VPS13A: variants seen among roughly 807,000 people sequenced by gnomAD.
VPS13A encodes the protein vacuolar protein sorting 13 homolog A.
Under a neutral mutation model 390.9 loss-of-function variants are expected in VPS13A, and 264 were observed. The ratio of observed to expected loss-of-function variants is 0.68; its 90% CI spans 0.61 to 0.75. The LOEUF (loss-of-function observed/expected upper bound fraction) is 0.75. Among genes scored for constraint, VPS13A ranks in the 30% least tolerant of loss-of-function variants. VPS13A has a pLI of 0.00. For synonymous variants in VPS13A, 1,231 were observed against 1,227.1 expected (o/e 1.00, Z -0.07); for missense variants, 3,409 against 3,733.9 (o/e 0.91, Z 2.27).
chr9:77,393,855 G>A (rs575221545), intron 68 of VPS13A, among the ~76,000 whole-genome samples: 11 of 152,060 alleles, frequency 7.2e-5, no homozygotes, highest in African/African-American at 2.4e-4. Context: ...TGCAACCTCC[G>A]CCTCCTGGGT....
chr9:77,294,036 T>C (rs1827831295), intron 32 of VPS13A, among the ~76,000 whole-genome samples: 1 of 152,098 alleles, frequency 6.6e-6, no homozygotes, highest in East Asian at 1.9e-4. Context: ...CCTGAGTAGC[T>C]GAGACTACAG....
At chr9:77,204,326 A>G (rs1238400367) in intron 3 of VPS13A, among the ~76,000 whole-genome samples, 1 of 152,200 alleles carries the variant, frequency 6.6e-6, no homozygotes, top group Non-Finnish European at 1.5e-5. Flanking sequence ...ATACAAAACT[A>G]GAGTGAGTAG....
chr9:77,275,805 C>A (rs1223517619), intron 25 of VPS13A, among the ~76,000 whole-genome samples, 153 bp downstream of exon 25: 2 of 148,086 alleles, frequency 1.4e-5, no homozygotes, highest in Admixed American at 6.7e-5. Flanking sequence ...CACTCCCCGC[C>A]CCCCCCTTTT....
intron 71 of VPS13A, among the ~76,000 whole-genome samples, chr9:77,409,382 A>T (rs1280302199): frequency 6.6e-6 from 1 of 152,244 alleles, no homozygotes; most frequent in African/African-American, 2.4e-5. Flanking sequence ...AACTCTAAAA[A>T]TCAGAGTACC....
intron 68 of VPS13A, among the ~76,000 whole-genome samples, chr9:77,386,218 C>T (rs1230175086): frequency 6.6e-6 from 1 of 152,150 alleles, no homozygotes; most frequent in Non-Finnish European, 1.5e-5. Flanking sequence ...CACCCTTGGC[C>T]AAAATCAAAC....
chr9:77,222,994 T>C (rs150748333), intron 13 of VPS13A, among the ~76,000 whole-genome samples: 1 of 152,278 alleles, frequency 6.6e-6, no homozygotes, highest in East Asian at 1.9e-4. Flanking sequence ...ACCAGCTGTT[T>C]CTGTACCTCA....
rs60382346 is a variant in VPS13A at position 77,306,414 on chromosome 9, T to TTGTGTGTGTGTG, written c.3961-1507_3961-1496dup. On this transcript the variant is annotated intron_variant, in intron 34 of 71. Transcript: ENST00000360280. ...AGAGAGAGAGAGAGTGTGTGTGTGT[T>TTGTGTGTGTGTG]TGTGTGTGTGTGTGTGTGTGTGTGT... Among the ~76,000 whole-genome samples, 852 of 140,862 alleles carry TTGTGTGTGTGTG rather than the reference T, an allele frequency of 6.0e-3. 1 individual carries two copies. Among genetic ancestry groups the TTGTGTGTGTGTG allele is most frequent in the East Asian group, 0.013 (61 of 4,822 alleles). 92.4% of individuals were successfully genotyped at this position (140,862 alleles called of 152,430 possible).
chr9:77,335,170 A>G (rs1830474140), intron 46 of VPS13A, among the ~76,000 whole-genome samples: 1 of 152,228 alleles, frequency 6.6e-6, no homozygotes, highest in African/African-American at 2.4e-5. Context: ...TTACAAATAT[A>G]AAAATATTTA....
chr9:77,271,896 C>G (rs971762221), intron 23 of VPS13A, among the ~76,000 whole-genome samples: 2 of 151,942 alleles, frequency 1.3e-5, no homozygotes, highest in East Asian at 1.9e-4. Context: ...TGGGAGGATG[C>G]CTAATGATTG....
chr9:77,359,836 G>A (rs1832042758), intron 58 of VPS13A, among the ~76,000 whole-genome samples: 1 of 149,050 alleles, frequency 6.7e-6, no homozygotes, highest in Admixed American at 6.7e-5. Flanking sequence ...AAAAAAAGGC[G>A]GCTCTGGATG....
chr9:77,375,801 G>T (rs1265233290), intron 67 of VPS13A, among the ~76,000 whole-genome samples: 1 of 152,196 alleles, frequency 6.6e-6, no homozygotes, highest in Non-Finnish European at 1.5e-5. Context: ...ATTTTAGGGA[G>T]CATTGTCTAT....
At chr9:77,377,289 G>A (rs1322283594) in intron 67 of VPS13A, among the ~76,000 whole-genome samples, 4 of 130,496 alleles carry the variant, frequency 3.1e-5, no homozygotes, top group South Asian at 2.6e-4. Context: ...GCGCAATCTC[G>A]GCTCACTGCA....
chr9:77,287,837 T>C (rs1000418808), intron 31 of VPS13A, among the ~76,000 whole-genome samples: 3 of 152,164 alleles, frequency 2.0e-5, no homozygotes, highest in Admixed American at 6.5e-5. Flanking sequence ...TTGGGTAGAA[T>C]TATTTATTAG....
At chr9:77,367,443 T>C (rs1382495752) in intron 61 of VPS13A, among the ~76,000 whole-genome samples, 1 of 152,170 alleles carries the variant, frequency 6.6e-6, no homozygotes, top group Non-Finnish European at 1.5e-5. Context: ...TAAGAATCAA[T>C]AAGTCCAACA....
chr9:77,194,810 C>A (rs1406701546), intron 1 of VPS13A, among the ~76,000 whole-genome samples: 1 of 152,010 alleles, frequency 6.6e-6, no homozygotes, highest in African/African-American at 2.4e-5. Context: ...TCAGTGCCTT[C>A]CTTCCAAAGA....
At chr9:77,320,575 T>C (rs1377329120) in intron 42 of VPS13A, among the ~76,000 whole-genome samples, 1 of 152,140 alleles carries the variant, frequency 6.6e-6, no homozygotes, top group Non-Finnish European at 1.5e-5. Flanking sequence ...GGTGACTAGC[T>C]TAGCATGTTG....
intron 10 of VPS13A, among the ~76,000 whole-genome samples, chr9:77,214,877 T>G (rs940219408): frequency 1.3e-5 from 2 of 152,204 alleles, no homozygotes; most frequent in African/African-American, 4.8e-5. Flanking sequence ...CAGTGCTGTT[T>G]CTCAGTTTCC....
chr9:77,385,123 T>A (rs1833625799), intron 68 of VPS13A: 1 of 968,414 alleles, frequency 1.0e-6, no homozygotes, highest in African/African-American at 1.8e-5. Context: ...ATTTAATGTT[T>A]TATATTTATC....
At chr9:77,223,841 A>G (rs1255198056) in intron 13 of VPS13A, among the ~76,000 whole-genome samples, 1 of 152,016 alleles carries the variant, frequency 6.6e-6, no homozygotes, top group East Asian at 1.9e-4. Flanking sequence ...TAGATGTAAC[A>G]GCCTTTTACT....
Sources: gnomAD v4.1 joint callset for allele counts (sites outside exome capture counted in the v4.1 genomes callset) on GRCh38, gnomAD v4.1.1 for gene constraint, MANE v1.5 for transcripts, NCBI Gene and HGNC (gene_info 2026-07-23, HGNC 2026-07-21) for gene names.